Variants in LPAR5 observed in about 807,000 individuals in gnomAD.
LPAR5 encodes the protein G protein-coupled receptor 92.
For missense variants in LPAR5, 544 were observed against 521.8 expected (o/e 1.04, Z -0.41); for synonymous variants, 271 against 261.6 (o/e 1.04, Z -0.35).
rs529634404 is a variant in LPAR5 at position 6,625,430 on chromosome 12, A to G, written c.-216-3966T>C. ...ACAGAGACTCCGTCTCAAAAAAAAAAAAAAAAGAGGGCCGGGCGCGGTGGC... is the reference window on the plus strand; with the variant it reads ...ACAGAGACTCCGTCTCAAAAAAAAAGAAAAAAGAGGGCCGGGCGCGGTGGC... On this transcript the variant is annotated intron_variant, in intron 1 of 1. Coordinates refer to ENST00000329858, the MANE Select transcript of LPAR5 (RefSeq NM_020400.6). 1.6e-3 allele frequency among the ~76,000 whole-genome samples: 215 copies of G among 136,318 alleles called. 2 individuals carry two copies. The highest frequency in any genetic ancestry group is 5.6e-3 in the African/African-American group (202 of 36,290). The allele number at this position is 136,318 out of a possible 152,430, so 89.4% of individuals were successfully genotyped here.
intron 1 of LPAR5, among the ~76,000 whole-genome samples, chr12:6,631,860 G>A (rs1740363290): frequency 6.6e-6 from 1 of 152,172 alleles, no homozygotes; most frequent in African/African-American, 2.4e-5. Flanking sequence ...CAGGGGCAGG[G>A]GAATGCCTCC....
At chr12:6,634,837 C>G (rs1949000907) in intron 1 of LPAR5, among the ~76,000 whole-genome samples, 2 of 149,142 alleles carry the variant, frequency 1.3e-5, no homozygotes, top group Non-Finnish European at 3.0e-5. Context: ...TGCCTGTAAT[C>G]CCAGCACTTT....
rs772771541 is a variant in LPAR5 at position 6,621,119 on chromosome 12, G to C, written c.130C>G (p.Leu44Val). Residue 44 changes from leucine to valine, a missense_variant, in exon 2 of 2, where the codon CTC becomes GTC. Leu to Val is a conservative substitution (Grantham distance 32). Transcript: ENST00000329858. ...CGCAGCGCGCGCAGGAAGACCCAGA[G>C]GGCTAGCGCGTTGAGGGGGAGCCCG... ...AAGLPLNALALWVFLRALRVH... is the reference protein window; with the variant it reads ...AAGLPLNALAVWVFLRALRVH... The C allele has an allele frequency of 1.2e-6, 2 of 1,603,358 alleles. No homozygotes were observed. Among genetic ancestry groups the C allele is most frequent in the South Asian group, 2.2e-5 (2 of 89,500 alleles).
At chr12:6,630,760 T>C (rs1262537625) in intron 1 of LPAR5, among the ~76,000 whole-genome samples, 1 of 152,042 alleles carries the variant, frequency 6.6e-6, no homozygotes, top group Non-Finnish European at 1.5e-5. Context: ...CCCCAGCCCA[T>C]CTTTATAAAG....
chr12:6,630,606 C>G (rs1948975326), intron 1 of LPAR5, among the ~76,000 whole-genome samples: 1 of 151,852 alleles, frequency 6.6e-6, no homozygotes, highest in Non-Finnish European at 1.5e-5. Flanking sequence ...GTGCACGCCA[C>G]CATGCCTGGC....
chr12:6,623,155 T>G (rs1948908552), intron 1 of LPAR5, among the ~76,000 whole-genome samples: 1 of 151,940 alleles, frequency 6.6e-6, no homozygotes, highest in South Asian at 2.1e-4. Flanking sequence ...GGAGAATCAC[T>G]TGAACCCAGG....
chr12:6,621,264 T>C lies in LPAR5; in HGVS notation c.-16A>G. 1.1e-5 allele frequency: 16 copies of C among 1,494,652 alleles called. No homozygotes were observed. The South Asian group carries it at 1.1e-4, about 11-fold the overall frequency. The allele number at this position is 1,494,652 out of a possible 1,614,324, so 92.6% of individuals were successfully genotyped here. On this transcript the variant is annotated 5_prime_UTR_variant, in exon 2 of 2. Transcript: ENST00000329858. ...TGGCTAACATCGTGCCAAAGTGGGA[T>C]TGGGAGCTAGGCTGGGGATGCCATG... is the stretch of plus-strand genomic sequence containing the variant.
At chr12:6,635,096 AAAAAGAAAG>A (rs1565389975) in intron 1 of LPAR5, among the ~76,000 whole-genome samples, 1 of 151,902 alleles carries the variant, frequency 6.6e-6, no homozygotes, top group Non-Finnish European at 1.5e-5. Context: ...CAAAAAAAAA[AAAAAGAAAG>A]GAAGGAAGGA....
intron 1 of LPAR5, among the ~76,000 whole-genome samples, chr12:6,635,134 A>C (rs954254116): frequency 2.0e-5 from 3 of 151,812 alleles, no homozygotes; most frequent in Admixed American, 6.6e-5. Flanking sequence ...AAAAAGGAGT[A>C]GTTCTGGAGA....
chr12:6,632,672 C>G (rs1483861130), intron 1 of LPAR5, among the ~76,000 whole-genome samples: 4 of 152,218 alleles, frequency 2.6e-5, no homozygotes, highest in Non-Finnish European at 5.9e-5. Flanking sequence ...GTGAAAAGCT[C>G]TGTCCCAGAG....
At chr12:6,624,477 C>T (rs1035349569) in intron 1 of LPAR5, among the ~76,000 whole-genome samples, 5 of 152,010 alleles carry the variant, frequency 3.3e-5, no homozygotes, top group Admixed American at 3.3e-4. Context: ...TACTTTCTGT[C>T]TCAATGAATT....
At position 6,619,014 on chromosome 12, in the gene LPAR5, T is replaced by C. The variant is rs1948862030; in HGVS notation, c.*1116A>G. ...GGAAGTCCACGAGGTCAAGCTATTT[T>C]CATAATACTGCTACACAGATGTTAT... On this transcript the variant is annotated 3_prime_UTR_variant, in exon 2 of 2. Coordinates refer to ENST00000329858, the MANE Select transcript of LPAR5 (RefSeq NM_020400.6). 2 of 152,218 alleles carry C rather than the reference T, an allele frequency of 1.3e-5. No individual in the cohort carries two copies. The highest frequency in any genetic ancestry group is 2.9e-5 in the Non-Finnish European group (2 of 68,046). 9.4% of individuals were successfully genotyped at this position (152,218 alleles called of 1,614,324 possible).
chr12:6,631,360 C>A (rs1476119616), intron 1 of LPAR5, among the ~76,000 whole-genome samples: 1 of 152,138 alleles, frequency 6.6e-6, no homozygotes, highest in Non-Finnish European at 1.5e-5. Flanking sequence ...GGGACAGTAT[C>A]CTTACACAGA....
Position 6,620,774 on chromosome 12 carries a change from C to T in LPAR5, c.475G>A (p.Val159Met), listed in dbSNP as rs184168629. The part of the protein sequence containing the change: ...ILVFAVPAAR[V>M]HRPSRCRYRD... ...TAGCGGCAACGCGAGGGCCTGTGCACGCGGGCGGCGGGCACGGCAAACACC... is the reference window on the plus strand; with the variant it reads ...TAGCGGCAACGCGAGGGCCTGTGCATGCGGGCGGCGGGCACGGCAAACACC... The change falls in exon 2 of 2, where the codon GTG (valine) becomes ATG (methionine). Residue 159 changes from valine to methionine, a missense_variant. Coordinates refer to ENST00000329858, the MANE Select transcript of LPAR5 (RefSeq NM_020400.6). This position sits in a 1 kb window ranked among gnomAD's most constrained non-coding sequence, Gnocchi z 6.8. The T allele has an allele frequency of 3.3e-5, 53 of 1,586,560 alleles. No homozygotes were observed. In the Admixed American group the frequency reaches 9.2e-4, roughly 28 times the overall value.
At chr12:6,632,457 C>T (rs973240069) in intron 1 of LPAR5, among the ~76,000 whole-genome samples, 1 of 152,166 alleles carries the variant, frequency 6.6e-6, no homozygotes, top group African/African-American at 2.4e-5. Flanking sequence ...CAGGAAGTCC[C>T]TCTTTAGTAT....
At chr12:6,628,010 C>CTT in intron 1 of LPAR5, among the ~76,000 whole-genome samples, 2 of 118,002 alleles carry the variant, frequency 1.7e-5, no homozygotes, top group African/African-American at 2.8e-5. Context: ...CTTGATCATT[C>CTT]TTTTCTTTTT....
In LPAR5 at chr12:6,621,253, C is replaced by G; in HGVS notation, c.-5G>C. 6.7e-7 allele frequency: 1 copy of G among 1,498,558 alleles called. No individual in the cohort carries two copies. The highest frequency in any genetic ancestry group is 8.9e-7 in the Non-Finnish European group (1 of 1,124,044). 92.8% of individuals were successfully genotyped at this position (1,498,558 alleles called of 1,614,324 possible). A position where few individuals can be genotyped will look rare whatever the true frequency, so the allele number is the denominator to read the frequency against. On this transcript the variant is annotated 5_prime_UTR_variant, in exon 2 of 2. Transcript: ENST00000329858. Reference sequence around the variant, plus strand: ...TGAGGAGCTGTTGGCTAACATCGTGCCAAAGTGGGATTGGGAGCTAGGCTG... The same window carrying G: ...TGAGGAGCTGTTGGCTAACATCGTGGCAAAGTGGGATTGGGAGCTAGGCTG...
chr12:6,633,155 T>C (rs937599189), intron 1 of LPAR5, among the ~76,000 whole-genome samples: 1 of 152,212 alleles, frequency 6.6e-6, no homozygotes, highest in African/African-American at 2.4e-5. Flanking sequence ...CTTGCCATTG[T>C]GCCTCTCCCT....
chr12:6,628,296 C>A (rs368771014), intron 1 of LPAR5, among the ~76,000 whole-genome samples: 1 of 152,172 alleles, frequency 6.6e-6, no homozygotes, highest in Non-Finnish European at 1.5e-5. Flanking sequence ...GCTGGGATTA[C>A]AGGCGTGAGC....
Sources: gnomAD v4.1 joint callset for allele counts (sites outside exome capture counted in the v4.1 genomes callset) on GRCh38, gnomAD v4.1.1 for gene constraint, Gnocchi (gnomAD v3.1) non-coding constraint, MANE v1.5 for transcripts, NCBI Gene and HGNC (gene_info 2026-07-23, HGNC 2026-07-21) for gene names.